The following TRPC4 variants were observed in gnomAD, a reference collection of about 807,000 sequenced individuals.
TRPC4 encodes transient receptor potential cation channel subfamily C member 4.
In TRPC4, 49 loss-of-function variants were observed where a neutral mutation model predicts 99.4. That is an observed-to-expected ratio of 0.49 (90% CI 0.39 to 0.63). TRPC4 has a LOEUF of 0.63. TRPC4 is among the 20% of genes least tolerant of loss of function. TRPC4 has a pLI of 0.00. For synonymous variants in TRPC4, 454 were observed against 425.9 expected, an observed-to-expected ratio of 1.07 and a Z score of -0.81; for missense variants, 898 against 1,152.9, an observed-to-expected ratio of 0.78 and a Z score of 3.20.
At chr13:37,728,190 G>A (rs1955124962) in intron 3 of TRPC4, among the ~76,000 whole-genome samples, 1 of 146,126 alleles carries the variant, frequency 6.8e-6, no homozygotes, top group African/African-American at 2.5e-5. Flanking sequence ...GTTCTAGACA[G>A]AGCAATTATG....
At chr13:37,725,151 T>A (rs973731877) in intron 3 of TRPC4, among the ~76,000 whole-genome samples, 1 of 151,920 alleles carries the variant, frequency 6.6e-6, no homozygotes, top group Admixed American at 6.6e-5. Context: ...GAAGAAAAAA[T>A]TAGTGAACTT....
At position 37,681,278 on chromosome 13, in the gene TRPC4, G is replaced by C. The variant is rs185339765; in HGVS notation, c.1235-6911C>G. Among the ~76,000 whole-genome samples the C allele has an allele frequency of 9.3e-4, 142 of 152,258 alleles. 1 individual carries two copies. In the South Asian group the frequency reaches 0.013, roughly 14 times the overall value. ...AGATCAAGGAGGAGACATTAAATCT[G>C]ATTTTCTTGACCACCCAAAATCTTA... On this transcript the variant is annotated intron_variant, in intron 4 of 10. Coordinates refer to ENST00000379705, the MANE Select transcript of TRPC4 (RefSeq NM_016179.4).
intron 2 of TRPC4, among the ~76,000 whole-genome samples, chr13:37,756,354 TA>T (rs1335644060): frequency 6.6e-6 from 1 of 152,120 alleles, no homozygotes; most frequent in Non-Finnish European, 1.5e-5. Flanking sequence ...ACTTCTGCTT[TA>T]AAAGACTAAA....
At chr13:37,786,196 A>G (rs1302281895) in intron 1 of TRPC4, among the ~76,000 whole-genome samples, 1 of 152,058 alleles carries the variant, frequency 6.6e-6, no homozygotes, top group African/African-American at 2.4e-5. Flanking sequence ...TAGGAAGTCT[A>G]GACAGATTTT....
intron 1 of TRPC4, among the ~76,000 whole-genome samples, chr13:37,811,900 C>T (rs760613539): frequency 2.6e-5 from 4 of 151,952 alleles, no homozygotes; most frequent in Non-Finnish European, 4.4e-5. Flanking sequence ...TGGTGGCTCA[C>T]GCCTGTAATC....
intron 1 of TRPC4, among the ~76,000 whole-genome samples, chr13:37,826,812 G>T (rs1323768746): frequency 1.3e-5 from 2 of 152,100 alleles, no homozygotes; most frequent in Non-Finnish European, 2.9e-5. Flanking sequence ...GAATCTGAAT[G>T]TTGCCCTGCC....
rs1566067467 is a variant in TRPC4, at chr13:37,649,763, A to AAAAAAAAAAAAAAAAAAAAAAAAAT, written c.2079+1501_2079+1502insATTTTTTTTTTTTTTTTTTTTTTTT. Among the ~76,000 whole-genome samples, 2 of 99,122 alleles carry AAAAAAAAAAAAAAAAAAAAAAAAAT rather than the reference A, an allele frequency of 2.0e-5. 1 individual carries two copies. Among genetic ancestry groups the AAAAAAAAAAAAAAAAAAAAAAAAAT allele is most frequent in the Non-Finnish European group, 4.4e-5 (2 of 45,906 alleles). 65.0% of individuals were successfully genotyped at this position (99,122 alleles called of 152,430 possible). On this transcript the variant is annotated intron_variant, in intron 8 of 10. Coordinates refer to ENST00000379705, the MANE Select transcript of TRPC4 (RefSeq NM_016179.4). ...AAAAAAAAAAAAAAAAAAAAAAACA[A>AAAAAAAAAAAAAAAAAAAAAAAAAT]CAACAAAGAACTAAGCTATTACATT...
intron 3 of TRPC4, among the ~76,000 whole-genome samples, chr13:37,705,946 CATG>C (rs989910890): frequency 1.8e-5 from 2 of 111,602 alleles, no homozygotes; most frequent in Non-Finnish European, 3.8e-5. Flanking sequence ...CCTGATTTTT[CATG>C]ATGAGTTCCT....
chr13:37,662,052 T>C (rs1952462104), intron 6 of TRPC4, among the ~76,000 whole-genome samples: 1 of 152,138 alleles, frequency 6.6e-6, no homozygotes, highest in Admixed American at 6.5e-5. Context: ...CTCATGCCTG[T>C]AATCCCAACA....
intron 2 of TRPC4, among the ~76,000 whole-genome samples, chr13:37,763,661 C>A (rs1271390007): frequency 6.6e-6 from 1 of 151,528 alleles, no homozygotes; most frequent in Non-Finnish European, 1.5e-5. Context: ...TGGACTAAAC[C>A]AAAAATGTAA....
rs61607544 is a variant in TRPC4, at chr13:37,812,176, C to CAAAAAAAAAAAAAAAAAAA, written c.-27-28835_-27-28817dup. 6.2e-4 allele frequency among the ~76,000 whole-genome samples: 34 copies of CAAAAAAAAAAAAAAAAAAA among 55,156 alleles called. 1 individual carries two copies. Among genetic ancestry groups the CAAAAAAAAAAAAAAAAAAA allele is most frequent in the East Asian group, 2.5e-3 (4 of 1,616 alleles). 36.2% of individuals were successfully genotyped at this position (55,156 alleles called of 152,430 possible). Reference sequence around the variant, plus strand: ...CCTAGGCAACAGACTGAGACTCTATCAAAAAAAAAAAAAAAAAAACCAGGA... The same window carrying CAAAAAAAAAAAAAAAAAAA: ...CCTAGGCAACAGACTGAGACTCTATCAAAAAAAAAAAAAAAAAAAAAAAAAAAAAAAAAAAAAACCAGGA... On this transcript the variant is annotated intron_variant, in intron 1 of 10. Transcript: ENST00000379705.
intron 1 of TRPC4, among the ~76,000 whole-genome samples, chr13:37,792,040 G>A (rs1256333263): frequency 6.6e-6 from 1 of 152,092 alleles, no homozygotes; most frequent in African/African-American, 2.4e-5. Flanking sequence ...GGCTTTGTGT[G>A]AGGTAATAAC....
intron 8 of TRPC4, among the ~76,000 whole-genome samples, chr13:37,639,625 T>C (rs1050453514): frequency 2.0e-5 from 3 of 151,958 alleles, no homozygotes; most frequent in Admixed American, 6.6e-5. Flanking sequence ...GAGAAAGAGA[T>C]AGGACATATC....
chr13:37,758,793 A>G (rs1040894832), intron 2 of TRPC4, among the ~76,000 whole-genome samples: 6 of 151,688 alleles, frequency 4.0e-5, no homozygotes, highest in African/African-American at 1.4e-4. Context: ...GACAATGGAT[A>G]TAATAAGTGT....
At chr13:37,739,215 TGAG>T (rs1035681293) in intron 3 of TRPC4, among the ~76,000 whole-genome samples, 3 of 152,136 alleles carry the variant, frequency 2.0e-5, no homozygotes, top group African/African-American at 7.2e-5. Flanking sequence ...AAGTGGTATT[TGAG>T]GGGACATTGG....
intron 2 of TRPC4, among the ~76,000 whole-genome samples, chr13:37,780,939 G>C (rs1354552164): frequency 6.6e-6 from 1 of 152,052 alleles, no homozygotes. Flanking sequence ...AAATCTTCCA[G>C]AAACACATGG....
At chr13:37,793,743 T>C (rs1957178727) in intron 1 of TRPC4, among the ~76,000 whole-genome samples, 1 of 152,020 alleles carries the variant, frequency 6.6e-6, no homozygotes, top group Non-Finnish European at 1.5e-5. Context: ...ATACTAGAAA[T>C]GATGCAGTTA....
At chr13:37,716,891 G>GT (rs574715531) in intron 3 of TRPC4, among the ~76,000 whole-genome samples, 208 of 152,104 alleles carry the variant, frequency 1.4e-3, no homozygotes, top group East Asian at 5.2e-3. Context: ...TTCTTAAAGT[G>GT]TTTTTTTATC....
At chr13:37,753,513 T>A (rs904556662) in intron 2 of TRPC4, among the ~76,000 whole-genome samples, 1 of 148,576 alleles carries the variant, frequency 6.7e-6, no homozygotes. Flanking sequence ...AAGGAAAGGA[T>A]ATGATTGCAC....
Sources: allele counts gnomAD v4.1 joint callset (sites outside exome capture counted in the v4.1 genomes callset), GRCh38; gene constraint gnomAD v4.1.1; transcripts MANE v1.5; gene names NCBI Gene and HGNC (gene_info 2026-07-23, HGNC 2026-07-21).